The following ZMIZ1 variants were observed in gnomAD, a reference collection of about 807,000 sequenced individuals.
The protein encoded by ZMIZ1 is zinc finger MIZ-type containing 1, also known as zinc finger MIZ domain-containing protein 1.
ZMIZ1 carries 17 observed loss-of-function variants against 113.9 expected under a neutral mutation model. The observed-to-expected ratio is 0.15, with a 90% CI of 0.10 to 0.22. The LOEUF (loss-of-function observed/expected upper bound fraction) is 0.22. Among genes scored for constraint, ZMIZ1 ranks in the 10% least tolerant of loss-of-function variants. The pLI, the probability that ZMIZ1 is intolerant of heterozygous loss-of-function variation, is 1.00. For missense variants in ZMIZ1, 1,059 were observed against 1,477.8 expected (o/e 0.72, Z 4.65); for synonymous variants, 607 against 603.1 (o/e 1.01, Z -0.09).
chr10:79,071,768 C>T (rs535097991), intron 1 of ZMIZ1, among the ~76,000 whole-genome samples: 24 of 152,294 alleles, frequency 1.6e-4, no homozygotes, highest in Non-Finnish European at 3.2e-4. Context: ...TGCTACAGAG[C>T]ACGTGTGAGT....
intron 7 of ZMIZ1, among the ~76,000 whole-genome samples, chr10:79,217,626 G>A (rs1211016800): frequency 6.6e-6 from 1 of 152,186 alleles, no homozygotes; most frequent in Non-Finnish European, 1.5e-5. Flanking sequence ...TCATGAAAAC[G>A]TTGTAAGGAC....
chr10:79,208,459 C>A lies in ZMIZ1; in HGVS notation c.174+10C>A. ...GATGGGCTGTTTGACGGTGAGTCTG[C>A]ACCCTGTCCGCCTGCATTCCTGCCC... On this transcript the variant is annotated intron_variant, in intron 6 of 24. Coordinates refer to ENST00000334512, the MANE Select transcript of ZMIZ1 (RefSeq NM_020338.4). 1 of 1,608,716 alleles carries A rather than the reference C, an allele frequency of 6.2e-7. No homozygotes were observed. The highest frequency in any genetic ancestry group is 8.5e-7 in the Non-Finnish European group (1 of 1,177,320).
At chr10:79,126,583 G>A (rs1844520307) in intron 2 of ZMIZ1, among the ~76,000 whole-genome samples, 1 of 152,224 alleles carries the variant, frequency 6.6e-6, no homozygotes, top group African/African-American at 2.4e-5. Context: ...GGGGCTTTGT[G>A]GAGGCTAGGA....
In ZMIZ1 at chr10:79,296,561, A is replaced by G; in HGVS notation, c.1321A>G (p.Thr441Ala). The change falls in exon 13 of 25, where the codon ACC becomes GCC. Residue 441 changes from threonine (T) to alanine (A), a missense_variant. This residue lies in a region of ZMIZ1 where 239 missense variants were observed against 247.5 expected (regional missense o/e 0.97). Transcript: ENST00000334512. This position sits in a 1 kb window ranked among gnomAD's most constrained non-coding sequence, Gnocchi z 4.1. ...AGCCCCCAACCCCCCGAGGCCACTC[A>G]CCTCCCCCAACTACCCAGGACAGAG... ...YPAPNPPRPL[T>A]SPNYPGQRMP... The G allele has an allele frequency of 6.2e-7, 1 of 1,600,456 alleles. No individual in the cohort carries two copies. Among genetic ancestry groups the G allele is most frequent in the Non-Finnish European group, 8.5e-7 (1 of 1,175,186 alleles).
chr10:79,075,318 C>G (rs1246870942), intron 1 of ZMIZ1, among the ~76,000 whole-genome samples: 1 of 152,220 alleles, frequency 6.6e-6, no homozygotes, highest in African/African-American at 2.4e-5. Context: ...GAGACTGGCT[C>G]AGGACCTTGA....
intron 7 of ZMIZ1, among the ~76,000 whole-genome samples, chr10:79,249,877 C>T (rs908740221): frequency 1.3e-5 from 2 of 152,136 alleles, no homozygotes; most frequent in African/African-American, 2.4e-5. Context: ...TGGGGCCACC[C>T]GGTGTCCTTC....
intron 3 of ZMIZ1, among the ~76,000 whole-genome samples, chr10:79,140,513 C>G (rs1019919286): frequency 6.6e-6 from 1 of 152,226 alleles, no homozygotes; most frequent in Non-Finnish European, 1.5e-5. Context: ...CAAGCAACCA[C>G]TAGTCTGTAT....
At chr10:79,240,638 C>CTTTTTTTTTTTTTTTTTTTTTTTTT (rs56903717) in intron 7 of ZMIZ1, among the ~76,000 whole-genome samples, 6 of 55,324 alleles carry the variant, frequency 1.1e-4, no homozygotes, top group East Asian at 9.7e-4. Context: ...GAGTATTTAT[C>CTTTTTTTTTTTTTTTTTTTTTTTTT]TTTTTTTTTT....
At chr10:79,269,269 T>C (rs184538429) in intron 7 of ZMIZ1, among the ~76,000 whole-genome samples, 12 of 152,198 alleles carry the variant, frequency 7.9e-5, no homozygotes, top group African/African-American at 2.6e-4. Context: ...AAATGTATCA[T>C]TCATATTTTT....
intron 3 of ZMIZ1, among the ~76,000 whole-genome samples, chr10:79,152,923 C>T (rs1845767690): frequency 6.6e-6 from 1 of 152,256 alleles, no homozygotes; most frequent in Non-Finnish European, 1.5e-5. Context: ...GTACTGGGTG[C>T]TGTGGCAACA....
chr10:79,208,246 G>A (rs1398128050), intron 5 of ZMIZ1, 90 bp from the exon 6 acceptor site: 1 of 1,091,320 alleles, frequency 9.2e-7, no homozygotes, highest in African/African-American at 1.6e-5. Flanking sequence ...TCCCCAGTGA[G>A]GCTGGGTTCT....
intron 4 of ZMIZ1, among the ~76,000 whole-genome samples, chr10:79,172,991 T>C (rs1348772305): frequency 6.6e-6 from 1 of 151,944 alleles, no homozygotes; most frequent in African/African-American, 2.4e-5. Flanking sequence ...AGGCAGTGAG[T>C]CAGATGGGGG....
rs538379293 is a variant in ZMIZ1, at chr10:79,122,581, T to C, written c.-227+3557T>C. ...CAGGTTAGATGTCATGCAGATTTCT[T>C]TGACCCCCCAGCTCCTCCCTTCCAA... On this transcript the variant is annotated intron_variant, in intron 2 of 24. Transcript: ENST00000334512. Among the ~76,000 whole-genome samples, 193 of 152,252 alleles carry C rather than the reference T, an allele frequency of 1.3e-3. 3 individuals are homozygous for C. The highest frequency in any genetic ancestry group is 4.3e-3 in the African/African-American group (179 of 41,550).
rs1854343820 is a variant in ZMIZ1 at position 79,302,092 on chromosome 10, C to T, written c.2020-15C>T. ...GACAGTGCACAGGAACTGAGTGTCT[C>T]CTCTCTCCCCGCAGTCCCACCTCTT... is the stretch of plus-strand genomic sequence containing the variant. On this transcript the variant is annotated splice_polypyrimidine_tract_variant and intron_variant, in intron 17 of 24. Coordinates refer to ENST00000334512, the MANE Select transcript of ZMIZ1 (RefSeq NM_020338.4). 6.2e-7 allele frequency: 1 copy of T among 1,612,650 alleles called. No individual in the cohort carries two copies. Among genetic ancestry groups the T allele is most frequent in the African/African-American group, 1.3e-5 (1 of 74,876 alleles).
chr10:79,089,066 C>T (rs998180167), intron 1 of ZMIZ1, among the ~76,000 whole-genome samples: 5 of 152,220 alleles, frequency 3.3e-5, no homozygotes, highest in South Asian at 2.1e-4. Context: ...TTTGTACAAA[C>T]GAGTATCCTG....
chr10:79,227,335 G>GCC (rs1849235583), intron 7 of ZMIZ1, among the ~76,000 whole-genome samples: 1 of 152,196 alleles, frequency 6.6e-6, no homozygotes, highest in Admixed American at 6.5e-5. Context: ...ATGATGAATA[G>GCC]CAGAGAGCCT....
At chr10:79,173,196 C>G (rs1037135864) in intron 4 of ZMIZ1, among the ~76,000 whole-genome samples, 3 of 152,218 alleles carry the variant, frequency 2.0e-5, no homozygotes, top group Non-Finnish European at 1.5e-5. Flanking sequence ...CTTGTCCAAC[C>G]CGTGACCCAT....
At chr10:79,205,718 C>T (rs73302145) in intron 5 of ZMIZ1, among the ~76,000 whole-genome samples, 8,757 of 152,194 alleles carry the variant, frequency 0.058, 505 homozygotes, top group African/African-American at 0.14. Context: ...TTCTGCTTAT[C>T]TCACTAGATC....
intron 1 of ZMIZ1, among the ~76,000 whole-genome samples, chr10:79,084,947 G>C (rs1356899725): frequency 2.6e-5 from 4 of 152,268 alleles, no homozygotes; most frequent in Non-Finnish European, 5.9e-5. Context: ...GCCTGAACCT[G>C]CACAGGCCCC....
Sources: gnomAD v4.1 joint callset for allele counts (sites outside exome capture counted in the v4.1 genomes callset) on GRCh38, gnomAD v4.1.1 for gene constraint, gnomAD v4.1.1 regional missense constraint, Gnocchi (gnomAD v3.1) non-coding constraint, MANE v1.5 for transcripts, NCBI Gene and HGNC (gene_info 2026-07-23, HGNC 2026-07-21) for gene names.